SULF2: variants seen among roughly 807,000 people sequenced by gnomAD.
SULF2 encodes sulfatase 2.
Under a neutral mutation model 107.7 loss-of-function variants are expected in SULF2, and 52 were observed. The observed-to-expected ratio is 0.48, with a 90% confidence interval of 0.39 to 0.61. The LOEUF is 0.61. SULF2 is among the 20% of genes least tolerant of loss of function. SULF2 has a pLI of 0.00. For synonymous variants in SULF2, 460 were observed against 464.3 expected, an observed-to-expected ratio of 0.99 and a Z score of 0.12; for missense variants, 993 against 1,177.3, an observed-to-expected ratio of 0.84 and a Z score of 2.29.
In SULF2 at chr20:47,666,384, T is replaced by G; in HGVS notation, c.1681A>C (p.Asn561His). Reference sequence around the variant, plus strand: ...CCTGGCCAGTGCCGCTTGGTGAGGTTTCGGGGCTGGGCGGCATCACCCAGG... The same window carrying G: ...CCTGGCCAGTGCCGCTTGGTGAGGTGTCGGGGCTGGGCGGCATCACCCAGG... ...VGLGDAAQPR[N>H]LTKRHWPGAP... Residue 561 changes from asparagine (N) to histidine (H), a missense_variant, in exon 12 of 21, where the codon AAC (asparagine) becomes CAC (histidine). Coordinates refer to ENST00000688720, the MANE Select transcript of SULF2 (RefSeq NM_001387048.1). The surrounding 1 kb of genome is among the most constrained non-coding windows in gnomAD (Gnocchi z 5.4). 1 of 1,614,074 alleles carries G rather than the reference T, an allele frequency of 6.2e-7. No individual in the cohort carries two copies. The highest frequency in any genetic ancestry group is 1.1e-5 in the South Asian group (1 of 91,080).
At position 47,702,368 on chromosome 20, in the gene SULF2, A is replaced by G. The variant is rs1404673549; in HGVS notation, c.567+151T>C. Reference sequence around the variant, plus strand: ...AGCCACTGTCCCTGGCTGAGAGATGAAAAACTGAGGAGGAGGTGTATGTAA... The same window carrying G: ...AGCCACTGTCCCTGGCTGAGAGATGGAAAACTGAGGAGGAGGTGTATGTAA... On this transcript the variant is annotated intron_variant, in intron 4 of 20. Coordinates refer to ENST00000688720, the MANE Select transcript of SULF2 (RefSeq NM_001387048.1). The G allele has an allele frequency of 5.8e-6, 5 of 865,554 alleles. No individual in the cohort carries two copies. In the East Asian group the frequency reaches 1.4e-4, roughly 24 times the overall value. 53.6% of individuals were successfully genotyped at this position (865,554 alleles called of 1,614,324 possible). A position where few individuals can be genotyped will look rare whatever the true frequency, so the allele number is the denominator to read the frequency against.
chr20:47,709,285 AT>A (rs1455487239), intron 3 of SULF2, among the ~76,000 whole-genome samples: 2 of 152,120 alleles, frequency 1.3e-5, no homozygotes. Context: ...GGGTGGGAAA[AT>A]TTGGCAGGCA....
intron 3 of SULF2, among the ~76,000 whole-genome samples, chr20:47,731,190 T>C (rs1053796811): frequency 6.8e-5 from 6 of 88,644 alleles, no homozygotes; most frequent in African/African-American, 2.5e-4. Flanking sequence ...ATCTTCTCTT[T>C]TTTTTTTTTT....
rs542782599 is a variant in SULF2 at position 47,675,049 on chromosome 20, T to A, written c.1380+1445A>T. 2.1e-3 allele frequency among the ~76,000 whole-genome samples: 315 copies of A among 152,330 alleles called. 1 individual carries two copies. The highest frequency in any genetic ancestry group is 7.4e-3 in the African/African-American group (307 of 41,572). On this transcript the variant is annotated intron_variant, in intron 10 of 20. Transcript: ENST00000688720. ...GCTCTGATTGTTTGGAAAATGCTGA[T>A]ACCTCCTCTTTCTTGGCCCCAGCAA...
chr20:47,690,759 C>T (rs1568820724), intron 4 of SULF2, among the ~76,000 whole-genome samples: 1 of 151,554 alleles, frequency 6.6e-6, no homozygotes, highest in Non-Finnish European at 1.5e-5. Flanking sequence ...AGCCCAGCTA[C>T]TCAGAAGGCT....
rs759648953 is a variant in SULF2, at chr20:47,663,411, C to T, written c.2227+42G>A. ...ACTAAGTGGAGAAGTTTCTTGAACC[C>T]CTGGGCCTCAGCCTGTCCACCCCTG... On this transcript the variant is annotated intron_variant, in intron 16 of 20. Coordinates refer to ENST00000688720, the MANE Select transcript of SULF2 (RefSeq NM_001387048.1). The T allele has an allele frequency of 2.3e-5, 37 of 1,602,286 alleles. No individual in the cohort carries two copies. In the South Asian group the frequency reaches 4.1e-4, roughly 18 times the overall value.
intron 1 of SULF2, among the ~76,000 whole-genome samples, chr20:47,770,298 C>T (rs2090605909): frequency 6.6e-6 from 1 of 151,968 alleles, no homozygotes; most frequent in South Asian, 2.1e-4. Context: ...TGGACTCAAA[C>T]AATCCTCTCA....
rs58595991 is a variant in SULF2, at chr20:47,717,939, C to T, written c.416-15269G>A. Among the ~76,000 whole-genome samples, 1,447 of 152,072 alleles carry T rather than the reference C, an allele frequency of 9.5e-3. 28 individuals are homozygous for T. The highest frequency in any genetic ancestry group is 0.033 in the African/African-American group (1,361 of 41,474). On this transcript the variant is annotated intron_variant, in intron 3 of 20. Coordinates refer to ENST00000688720, the MANE Select transcript of SULF2 (RefSeq NM_001387048.1). ...AAGCGATTCTCCTGCCTCAGCCTCC[C>T]GAGTAGCTGGGATTACAGGCATGCG...
At chr20:47,706,634 A>T (rs1048378246) in intron 3 of SULF2, 1 of 152,284 alleles carries the variant, frequency 6.6e-6, no homozygotes, top group Non-Finnish European at 1.5e-5. Flanking sequence ...GGGCATGCAT[A>T]GCCCAATCCC....
intron 3 of SULF2, among the ~76,000 whole-genome samples, chr20:47,705,342 G>C (rs1001337727): frequency 6.6e-6 from 1 of 152,170 alleles, no homozygotes; most frequent in African/African-American, 2.4e-5. Context: ...GAGGAGGCGG[G>C]GAACCGGCTG....
rs562210312 is a variant in SULF2 at position 47,683,203 on chromosome 20, G to C, written c.889-34C>G. 29 of 1,541,446 alleles carry C rather than the reference G, an allele frequency of 1.9e-5. No individual in the cohort carries two copies. In the East Asian group the frequency reaches 6.4e-4, roughly 34 times the overall value. On this transcript the variant is annotated intron_variant, in intron 6 of 20. Transcript: ENST00000688720. The stretch of plus-strand genomic sequence containing the variant: ...CGGGCGAGGAGGCAAGGGACAGTGG[G>C]GACTGGGTGCCTGGCCCGTCTCCGA...
intron 3 of SULF2, among the ~76,000 whole-genome samples, chr20:47,729,893 G>C (rs952071790): frequency 2.0e-5 from 3 of 152,220 alleles, no homozygotes; most frequent in Non-Finnish European, 4.4e-5. Flanking sequence ...CTGCCCCTGC[G>C]GTCCTGAATG....
intron 3 of SULF2, among the ~76,000 whole-genome samples, chr20:47,735,086 C>T (rs1173901188): frequency 6.6e-6 from 1 of 152,152 alleles, no homozygotes; most frequent in African/African-American, 2.4e-5. Flanking sequence ...TTCCCATGAT[C>T]TTGCATTCCA....
intron 3 of SULF2, among the ~76,000 whole-genome samples, chr20:47,735,907 T>A (rs2089718106): frequency 6.6e-6 from 1 of 152,160 alleles, no homozygotes; most frequent in Non-Finnish European, 1.5e-5. Context: ...AAACCCCTTG[T>A]CACTTGGATG....
At chr20:47,781,692 C>A (rs927866565) in intron 1 of SULF2, among the ~76,000 whole-genome samples, 1 of 152,106 alleles carries the variant, frequency 6.6e-6, no homozygotes, top group Non-Finnish European at 1.5e-5. Context: ...TTGATCATCT[C>A]ATTTCATGCT....
rs1360411861 is a variant in SULF2, at chr20:47,659,412, A to G, written c.2569T>C (p.Ser857Pro). 3 of 1,614,180 alleles carry G rather than the reference A, an allele frequency of 1.9e-6. No homozygotes were observed. In the South Asian group the frequency reaches 3.3e-5, roughly 18 times the overall value. ...TCCTCAACTCACAGTGATTTGGAAG[A>G]AGGTCTCTTCATTTCTGGCCACTTT... ...RRKWPEMKRP[S>P]SKSLGQLWEG... The change falls in exon 20 of 21, where the codon TCT (serine) becomes CCT (proline). Residue 857 changes from serine (S) to proline (P), a missense_variant. Transcript: ENST00000688720.
chr20:47,674,629 A>T (rs2087581318), intron 10 of SULF2, among the ~76,000 whole-genome samples: 1 of 152,218 alleles, frequency 6.6e-6, no homozygotes, highest in Non-Finnish European at 1.5e-5. Context: ...ACCGGGAGAC[A>T]GACAGATGCA....
Position 47,680,524 on chromosome 20 carries a change from G to A in SULF2, c.1065-1720C>T, listed in dbSNP as rs1236286250. On this transcript the variant is annotated intron_variant, in intron 7 of 20. Coordinates refer to ENST00000688720, the MANE Select transcript of SULF2 (RefSeq NM_001387048.1). This position sits in a 1 kb window ranked among gnomAD's most constrained non-coding sequence, Gnocchi z 4.2. ...GTCAGAGCATCTGAGTGCCTTCCCC[G>A]CTAGTTCCCTGGGGACCAGGGCAGG... is the stretch of plus-strand genomic sequence containing the variant. 2.0e-5 allele frequency among the ~76,000 whole-genome samples: 3 copies of A among 152,204 alleles called. No homozygotes were observed. Among genetic ancestry groups the A allele is most frequent in the Admixed American group, 6.5e-5 (1 of 15,278 alleles).
chr20:47,704,123 C>A (rs2088653847), intron 3 of SULF2, among the ~76,000 whole-genome samples: 2 of 152,056 alleles, frequency 1.3e-5, no homozygotes, highest in Admixed American at 6.6e-5. Flanking sequence ...GATTTGGGAG[C>A]CATGCACTTT....
Sources: allele counts gnomAD v4.1 joint callset (sites outside exome capture counted in the v4.1 genomes callset), GRCh38; gene constraint gnomAD v4.1.1; non-coding constraint Gnocchi (gnomAD v3.1); transcripts MANE v1.5; gene names NCBI Gene and HGNC (gene_info 2026-07-23, HGNC 2026-07-21).